The following COA6 variants were observed in gnomAD, a reference collection of about 807,000 sequenced individuals.
The protein encoded by COA6 is cytochrome c oxidase assembly factor 6.
A neutral mutation model predicts 17.1 loss-of-function variants in COA6; 12 were observed. The observed-to-expected ratio is 0.70, with a 90% confidence interval of 0.45 to 1.14. The LOEUF (loss-of-function observed/expected upper bound fraction) is 1.14. Ranked by LOEUF, COA6 falls within the 50% of genes most tolerant of loss-of-function variation. The pLI, the probability that COA6 is intolerant of heterozygous loss-of-function variation, is 0.00. For synonymous variants in COA6, 90 were observed against 73.4 expected (o/e 1.23, Z -1.16); for missense variants, 246 against 196.5 (o/e 1.25, Z -1.51).
At chr1:234,375,533 C>T (rs980845728) in intron 2 of COA6, among the ~76,000 whole-genome samples, 3 of 152,158 alleles carry the variant, frequency 2.0e-5, no homozygotes, top group Non-Finnish European at 4.4e-5. Flanking sequence ...GGGTTTTGCC[C>T]TCTCATACCT....
intron 1 of COA6, 171 bp from the exon 2 acceptor site, chr1:234,374,059 A>T: frequency 2.3e-6 from 2 of 877,976 alleles, no homozygotes; most frequent in Non-Finnish European, 3.4e-6. Flanking sequence ...CTGAGAACTG[A>T]TTGGGTTCAG....
chr1:234,377,213 G>A (rs989899269), intron 2 of COA6, among the ~76,000 whole-genome samples: 1 of 150,170 alleles, frequency 6.7e-6, no homozygotes, highest in Non-Finnish European at 1.5e-5. Flanking sequence ...TGCAACCTCT[G>A]CTGCCCAGGT....
chr1:234,375,793 A>T (rs952935276), intron 2 of COA6, among the ~76,000 whole-genome samples: 1 of 152,182 alleles, frequency 6.6e-6, no homozygotes, highest in Non-Finnish European at 1.5e-5. Flanking sequence ...AGCTGGCACT[A>T]TGGGCATTTG....
rs71170479 is a variant in COA6 at position 234,377,059 on chromosome 1, C to CGAGAGA, written c.372+2707_372+2712dup. Among the ~76,000 whole-genome samples the CGAGAGA allele has an allele frequency of 4.6e-3, 382 of 82,630 alleles. 32 individuals are homozygous for CGAGAGA. Among genetic ancestry groups the CGAGAGA allele is most frequent in the Middle Eastern group, 0.029 (5 of 174 alleles). The allele number at this position is 82,630 out of a possible 152,430, so 54.2% of individuals were successfully genotyped here. A position where few individuals can be genotyped will look rare whatever the true frequency, so the allele number is the denominator to read the frequency against. On this transcript the variant is annotated intron_variant, in intron 2 of 2. Transcript: ENST00000366615. ...GACAGCTACCTTCTTGCTGTGTTGC[C>CGAGAGA]GAGAGAGAGAGAGAGAGAGAGAGAG...
At chr1:234,377,133 T>TTTTTTTTGTTGTTGGTG (rs60899682) in intron 2 of COA6, among the ~76,000 whole-genome samples, 2 of 69,572 alleles carry the variant, frequency 2.9e-5, no homozygotes, top group East Asian at 3.6e-4. Flanking sequence ...TTTTGTTTTT[T>TTTTTTTTGTTGTTGGTG]TTGTTGTTGT....
intron 2 of COA6, among the ~76,000 whole-genome samples, chr1:234,382,402 A>G (rs773919068): frequency 7.2e-5 from 11 of 152,230 alleles, no homozygotes; most frequent in Non-Finnish European, 1.6e-4. Flanking sequence ...AATTTCTGGT[A>G]GTTAATGATT....
Position 234,383,914 on chromosome 1 carries a change from C to G in COA6, c.*96C>G, listed in dbSNP as rs1248178453. 1.6e-6 allele frequency: 1 copy of G among 633,022 alleles called. No homozygotes were observed. Among genetic ancestry groups the G allele is most frequent in the East Asian group, 2.6e-5 (1 of 38,084 alleles). 39.2% of individuals were successfully genotyped at this position (633,022 alleles called of 1,614,324 possible). A position where few individuals can be genotyped will look rare whatever the true frequency, so the allele number is the denominator to read the frequency against. ...GTTTGAATCATAGTGAACATCAATA[C>G]TTGTTCCCTATATACGACACTTGAT... On this transcript the variant is annotated 3_prime_UTR_variant, in exon 3 of 3. Coordinates refer to ENST00000366615, the MANE Select transcript of COA6 (RefSeq NM_001206641.3).
chr1:234,380,215 G>A (rs1349039684), intron 2 of COA6, among the ~76,000 whole-genome samples: 2 of 152,112 alleles, frequency 1.3e-5, no homozygotes, highest in African/African-American at 4.8e-5. Context: ...CTACTCAATT[G>A]CCACAGAATA....
At position 234,374,407 on chromosome 1, in the gene COA6, G is replaced by A. The variant is rs1658724773; in HGVS notation, c.372+18G>A. 6.2e-7 allele frequency: 1 copy of A among 1,613,274 alleles called. No homozygotes were observed. Among genetic ancestry groups the A allele is most frequent in the Non-Finnish European group, 8.5e-7 (1 of 1,179,596 alleles). On this transcript the variant is annotated intron_variant, in intron 2 of 2. Coordinates refer to ENST00000366615, the MANE Select transcript of COA6 (RefSeq NM_001206641.3). Reference sequence around the variant, plus strand: ...AACAGTGGGTAAGTCACACTTTGATGTGTTTCTCTTCCCTGTTAAGATACA... The same window carrying A: ...AACAGTGGGTAAGTCACACTTTGATATGTTTCTCTTCCCTGTTAAGATACA...
In COA6 at chr1:234,383,899, T is replaced by A; in HGVS notation, c.*81T>A. On this transcript the variant is annotated 3_prime_UTR_variant, in exon 3 of 3. Coordinates refer to ENST00000366615, the MANE Select transcript of COA6 (RefSeq NM_001206641.3). ...TATGGAACAGTAATAGTTTGAATCA[T>A]AGTGAACATCAATACTTGTTCCCTA... 1 of 698,590 alleles carries A rather than the reference T, an allele frequency of 1.4e-6. No homozygotes were observed. Among genetic ancestry groups the A allele is most frequent in the South Asian group, 1.8e-5 (1 of 54,080 alleles). The allele number at this position is 698,590 out of a possible 1,614,324, so 43.3% of individuals were successfully genotyped here.
chr1:234,383,700 C>T, intron 2 of COA6, 23 bp from the exon 3 acceptor site: 2 of 1,011,120 alleles, frequency 2.0e-6, no homozygotes, highest in East Asian at 2.4e-5. Flanking sequence ...GCCCTTATTT[C>T]AAATCCTTTT....
At chr1:234,380,720 T>G (rs374804778) in intron 2 of COA6, among the ~76,000 whole-genome samples, 81 of 152,356 alleles carry the variant, frequency 5.3e-4, no homozygotes, top group African/African-American at 1.9e-3. Flanking sequence ...TGTATAATGG[T>G]CCTATTGAAA....
Position 234,373,457 on chromosome 1 carries a change from T to C in COA6, c.-10T>C, listed in dbSNP as rs1416161001. The C allele has an allele frequency of 1.1e-5, 17 of 1,499,960 alleles. No homozygotes were observed. Among genetic ancestry groups the C allele is most frequent in the Non-Finnish European group, 1.4e-5 (16 of 1,123,320 alleles). The allele number at this position is 1,499,960 out of a possible 1,614,324, so 92.9% of individuals were successfully genotyped here. A position where few individuals can be genotyped will look rare whatever the true frequency, so the allele number is the denominator to read the frequency against. ...CGAAACAGGAAGTCCCGCCCCTCTATGGAAAGTAAATGGTAGCTCGGAAGG... is the reference window on the plus strand; with the variant it reads ...CGAAACAGGAAGTCCCGCCCCTCTACGGAAAGTAAATGGTAGCTCGGAAGG... On this transcript the variant is annotated 5_prime_UTR_variant, in exon 1 of 3. It removes an upstream start codon present in the reference 5' UTR. Coordinates refer to ENST00000366615, the MANE Select transcript of COA6 (RefSeq NM_001206641.3).
chr1:234,376,263 T>C (rs548934786), intron 2 of COA6, among the ~76,000 whole-genome samples: 6 of 113,780 alleles, frequency 5.3e-5, no homozygotes, highest in African/African-American at 9.4e-5. Flanking sequence ...ACTCCCACAC[T>C]TCCGGGGCAG....
intron 2 of COA6, among the ~76,000 whole-genome samples, chr1:234,376,481 A>T (rs1658797300): frequency 6.6e-6 from 1 of 152,090 alleles, no homozygotes. Flanking sequence ...CATCTATCTT[A>T]TTTATCCCTC....
At chr1:234,374,455 A>G (rs922956103) in intron 2 of COA6, 66 bp downstream of exon 2, 2 of 1,530,052 alleles carry the variant, frequency 1.3e-6, no homozygotes, top group South Asian at 1.2e-5. Context: ...TGTGAGTGGT[A>G]GGCTGACATG....
rs113627094 is a variant in COA6, at chr1:234,373,840, G to A, written c.212+162G>A. ...CACACACCTGTTTCTACAGCGCTTA[G>A]GTTCGAACAGTAACCCTGTAAACTA... On this transcript the variant is annotated intron_variant, in intron 1 of 2. Coordinates refer to ENST00000366615, the MANE Select transcript of COA6 (RefSeq NM_001206641.3). The A allele has an allele frequency of 9.5e-4, 1,536 of 1,613,214 alleles. 18 individuals carry two copies. The African/African-American group carries it at 0.017, about 18-fold the overall frequency.
chr1:234,379,699 A>G (rs146656676), intron 2 of COA6, among the ~76,000 whole-genome samples: 262 of 152,322 alleles, frequency 1.7e-3, no homozygotes, highest in African/African-American at 5.9e-3. Flanking sequence ...GAAACTTACA[A>G]TCATGGTGGA....
At position 234,380,522 on chromosome 1, in the gene COA6, C is replaced by T. The variant is rs886102580; in HGVS notation, c.373-3201C>T. On this transcript the variant is annotated intron_variant, in intron 2 of 2. Transcript: ENST00000366615. Reference sequence around the variant, plus strand: ...TTTTACTTAGCTGATGTGACAGCCACGAAATAAAGATAAAAAATAGCACCA... The same window carrying T: ...TTTTACTTAGCTGATGTGACAGCCATGAAATAAAGATAAAAAATAGCACCA... 2.0e-5 allele frequency among the ~76,000 whole-genome samples: 3 copies of T among 152,020 alleles called. No homozygotes were observed. The South Asian group carries it at 6.2e-4, about 32-fold the overall frequency.
Sources: gnomAD v4.1 joint callset for allele counts (sites outside exome capture counted in the v4.1 genomes callset) on GRCh38, gnomAD v4.1.1 for gene constraint, MANE v1.5 for transcripts, NCBI Gene and HGNC (gene_info 2026-07-23, HGNC 2026-07-21) for gene names.